Variants in SMAD7 observed in about 807,000 individuals in gnomAD.
The protein encoded by SMAD7 is SMAD family member 7.
In SMAD7, 8 loss-of-function variants were observed where a neutral mutation model predicts 38.7. That is an observed-to-expected ratio of 0.21 (90% CI 0.12 to 0.37). The LOEUF (loss-of-function observed/expected upper bound fraction) is 0.37. SMAD7 is among the 10% of genes least tolerant of loss of function. The pLI is 1.00. For synonymous variants in SMAD7, 327 were observed against 265.1 expected, an observed-to-expected ratio of 1.23 and a Z score of -2.27; for missense variants, 477 against 577.9, an observed-to-expected ratio of 0.83 and a Z score of 1.79.
At chr18:48,949,713 C>A (rs2070238593) in intron 1 of SMAD7, 99 bp downstream of exon 1, 2 of 1,345,324 alleles carry the variant, frequency 1.5e-6, no homozygotes, top group Non-Finnish European at 2.0e-6. Flanking sequence ...TATGCACACT[C>A]CCCCTGGAGG....
At chr18:48,947,074 G>A (rs1297587716) in intron 2 of SMAD7, among the ~76,000 whole-genome samples, 1 of 152,236 alleles carries the variant, frequency 6.6e-6, no homozygotes, top group Non-Finnish European at 1.5e-5. Context: ...TCAAGTTACA[G>A]TCTTTAGGAA....
intron 3 of SMAD7, among the ~76,000 whole-genome samples, chr18:48,930,421 T>C (rs886438891): frequency 6.6e-6 from 1 of 152,020 alleles, no homozygotes; most frequent in African/African-American, 2.4e-5. Context: ...AAAAGAAGAA[T>C]GAAAGGGTCC....
chr18:48,926,596 G>A (rs78318494), intron 3 of SMAD7, among the ~76,000 whole-genome samples: 2,012 of 152,350 alleles, frequency 0.013, 46 homozygotes, highest in African/African-American at 0.046. Context: ...GGGCAGGCAC[G>A]GCCGCCTCCT....
intron 2 of SMAD7, among the ~76,000 whole-genome samples, chr18:48,947,956 C>T (rs1347014636): frequency 1.4e-5 from 2 of 146,254 alleles, no homozygotes; most frequent in African/African-American, 5.1e-5. Context: ...CTACTCCAGA[C>T]CAAAGTCTTC....
rs112883533 is a variant in SMAD7 at position 48,935,086 on chromosome 18, A to G, written c.742+7395T>C. Among the ~76,000 whole-genome samples, 54 of 152,208 alleles carry G rather than the reference A, an allele frequency of 3.5e-4. 1 individual carries two copies. The highest frequency in any genetic ancestry group is 1.3e-3 in the African/African-American group (53 of 41,524). On this transcript the variant is annotated intron_variant, in intron 3 of 3. Coordinates refer to ENST00000262158, the MANE Select transcript of SMAD7 (RefSeq NM_005904.4). ...TCGTAAGAAGCCTGGTTCTCTCTCT[A>G]GCAGATACTGAATCCACGGGGCACC...
At position 48,921,195 on chromosome 18, in the gene SMAD7, A is replaced by G; in HGVS notation, c.*177T>C. On this transcript the variant is annotated 3_prime_UTR_variant, in exon 4 of 4. Coordinates refer to ENST00000262158, the MANE Select transcript of SMAD7 (RefSeq NM_005904.4). This position sits in a 1 kb window ranked among gnomAD's most constrained non-coding sequence, Gnocchi z 6.4. ...AATTCTTTTCATAAGCTATTTCTCA[A>G]AGAGCGAAACAAAACAGAACACAAA... 1 of 597,982 alleles carries G rather than the reference A, an allele frequency of 1.7e-6. No individual in the cohort carries two copies. 37.0% of individuals were successfully genotyped at this position (597,982 alleles called of 1,614,324 possible).
intron 3 of SMAD7, among the ~76,000 whole-genome samples, chr18:48,930,355 C>T (rs1329651667): frequency 6.6e-6 from 1 of 152,188 alleles, no homozygotes; most frequent in Non-Finnish European, 1.5e-5. Context: ...CCCAAGCCCC[C>T]ACTCCCTCTG....
intron 2 of SMAD7, 117 bp from the exon 3 acceptor site, chr18:48,942,672 C>T (rs1233891310): frequency 6.3e-7 from 1 of 1,578,960 alleles, no homozygotes; most frequent in South Asian, 1.1e-5. Context: ...AAAAGGCTGA[C>T]TCGCGGCCTT....
chr18:48,940,408 G>T (rs2070123465), intron 3 of SMAD7, among the ~76,000 whole-genome samples: 1 of 152,200 alleles, frequency 6.6e-6, no homozygotes, highest in Admixed American at 6.5e-5. Flanking sequence ...GTTAATGATT[G>T]TTTTACCCCC....
At chr18:48,934,775 G>T (rs1160825103) in intron 3 of SMAD7, among the ~76,000 whole-genome samples, 2 of 141,350 alleles carry the variant, frequency 1.4e-5, no homozygotes, top group South Asian at 4.5e-4. Flanking sequence ...TGGAAGGGAA[G>T]AAAAAAAAAA....
At chr18:48,926,931 G>A (rs1042632205) in intron 3 of SMAD7, among the ~76,000 whole-genome samples, 9 of 152,092 alleles carry the variant, frequency 5.9e-5, no homozygotes, top group East Asian at 3.9e-4. Flanking sequence ...CTATTCTCAC[G>A]CCAAACCATC....
chr18:48,939,454 A>ACCCGCCCACTCCCCTTCCT (rs2070111269), intron 3 of SMAD7, among the ~76,000 whole-genome samples: 1 of 123,406 alleles, frequency 8.1e-6, no homozygotes, highest in Non-Finnish European at 1.6e-5. Flanking sequence ...CCGGGCTCCT[A>ACCCGCCCACTCCCCTTCCT]CCCGCCCACT....
At chr18:48,925,313 TG>T (rs2069912364) in intron 3 of SMAD7, among the ~76,000 whole-genome samples, 1 of 152,246 alleles carries the variant, frequency 6.6e-6, no homozygotes, top group Non-Finnish European at 1.5e-5. Context: ...AAAGCTGTGT[TG>T]TAAAAAGCTC....
chr18:48,932,579 C>T (rs1364280500), intron 3 of SMAD7, among the ~76,000 whole-genome samples: 2 of 152,088 alleles, frequency 1.3e-5, no homozygotes, highest in South Asian at 2.1e-4. Flanking sequence ...CACGGAGGAG[C>T]GAGAAGAGTA....
chr18:48,934,017 G>A (rs894742511), intron 3 of SMAD7, among the ~76,000 whole-genome samples: 15 of 152,330 alleles, frequency 9.8e-5, no homozygotes, highest in South Asian at 6.2e-4. Context: ...TTGGCAGCAC[G>A]GGCCGGGGCA....
intron 3 of SMAD7, among the ~76,000 whole-genome samples, 167 bp from the exon 4 acceptor site, chr18:48,922,077 C>T (rs542417199): frequency 2.2e-4 from 34 of 152,304 alleles, no homozygotes; most frequent in African/African-American, 6.0e-4. Context: ...CTCTTACAGC[C>T]CTTTGACCAG....
chr18:48,932,765 G>C (rs949451664), intron 3 of SMAD7, among the ~76,000 whole-genome samples: 2 of 152,126 alleles, frequency 1.3e-5, no homozygotes, highest in East Asian at 3.8e-4. Context: ...CTCAGAAACG[G>C]GCTTAACCCT....
intron 3 of SMAD7, among the ~76,000 whole-genome samples, chr18:48,931,789 A>C (rs898081537): frequency 6.6e-6 from 1 of 152,222 alleles, no homozygotes; most frequent in Non-Finnish European, 1.5e-5. Context: ...AGGGGCTGAG[A>C]CACTCGGCCT....
chr18:48,926,722 G>A (rs905600530), intron 3 of SMAD7, among the ~76,000 whole-genome samples: 1 of 152,206 alleles, frequency 6.6e-6, no homozygotes, highest in Non-Finnish European at 1.5e-5. Flanking sequence ...GCCAGGTCCA[G>A]GGTCCTCCCT....
Sources: allele counts gnomAD v4.1 joint callset (sites outside exome capture counted in the v4.1 genomes callset), GRCh38; gene constraint gnomAD v4.1.1; non-coding constraint Gnocchi (gnomAD v3.1); transcripts MANE v1.5; gene names NCBI Gene and HGNC (gene_info 2026-07-23, HGNC 2026-07-21).